SAMTOR: variants seen among roughly 807,000 people sequenced by gnomAD.
SAMTOR encodes the protein UPF0532 protein C7orf60.
At chr7:112,828,287 T>C in the SAMTOR span, among the ~76,000 whole-genome samples, 20 of 152,130 alleles carry the variant, frequency 1.3e-4, no homozygotes, top group Non-Finnish European at 2.9e-4. Context: ...AAGTCTGAGG[T>C]CAAGATTGTG....
At chr7:112,853,757 C>T in the SAMTOR span, among the ~76,000 whole-genome samples, 2 of 152,088 alleles carry the variant, frequency 1.3e-5, no homozygotes, top group Non-Finnish European at 2.9e-5. Flanking sequence ...TTATAACCTT[C>T]AACCAGAACA....
the SAMTOR span, among the ~76,000 whole-genome samples, chr7:112,926,677 T>C: frequency 1.3e-5 from 2 of 152,166 alleles, no homozygotes; most frequent in Non-Finnish European, 2.9e-5. Flanking sequence ...TTTTTCCTTC[T>C]TTCAACAGAT....
the SAMTOR span, among the ~76,000 whole-genome samples, chr7:112,927,987 C>T: frequency 2.0e-5 from 3 of 151,904 alleles, no homozygotes; most frequent in South Asian, 2.1e-4. Context: ...AACTCACCTT[C>T]AAAAACACTA....
the SAMTOR span, among the ~76,000 whole-genome samples, chr7:112,842,746 A>G: frequency 6.6e-6 from 1 of 151,998 alleles, no homozygotes; most frequent in Admixed American, 6.6e-5. Flanking sequence ...AAAGTACTGT[A>G]TTACATGAAT....
chr7:112,934,639 T>C, the SAMTOR span, among the ~76,000 whole-genome samples: 4 of 152,346 alleles, frequency 2.6e-5, no homozygotes, highest in African/African-American at 9.6e-5. Context: ...CCTACTACAA[T>C]AGCTGTGTTT....
chr7:112,842,110 A>T, the SAMTOR span, among the ~76,000 whole-genome samples: 1 of 151,904 alleles, frequency 6.6e-6, no homozygotes, highest in Non-Finnish European at 1.5e-5. Flanking sequence ...AGCAATTTAC[A>T]TTTCCTGAAA....
the SAMTOR span, among the ~76,000 whole-genome samples, chr7:112,860,298 G>A: frequency 6.6e-6 from 1 of 152,078 alleles, no homozygotes; most frequent in East Asian, 1.9e-4. Context: ...CATCCCTGTT[G>A]TTAAGTGACA....
the SAMTOR span, among the ~76,000 whole-genome samples, chr7:112,919,380 A>C: frequency 2.0e-5 from 3 of 152,184 alleles, no homozygotes; most frequent in African/African-American, 7.2e-5. Flanking sequence ...GGCAGAAATA[A>C]AGATGTTCTT....
the SAMTOR span, among the ~76,000 whole-genome samples, chr7:112,902,084 G>A: frequency 6.6e-6 from 1 of 152,064 alleles, no homozygotes; most frequent in African/African-American, 2.4e-5. Context: ...TCTGGAAAAG[G>A]CAATCTATGA....
the SAMTOR span, among the ~76,000 whole-genome samples, chr7:112,889,363 G>A: frequency 4.6e-5 from 7 of 152,166 alleles, no homozygotes; most frequent in Admixed American, 4.6e-4. Context: ...TACACCAATA[G>A]TTTATCAGAA....
chr7:112,939,752 T>TCGCAGC, the SAMTOR span: 77 of 1,592,874 alleles, frequency 4.8e-5, no homozygotes, highest in Admixed American at 1.2e-3. Flanking sequence ...TGGCTCCATA[T>TCGCAGC]CGCAGCCGCC....
chr7:112,909,750 T>TA, the SAMTOR span, among the ~76,000 whole-genome samples: 1 of 151,408 alleles, frequency 6.6e-6, no homozygotes, highest in African/African-American at 2.4e-5. Flanking sequence ...AAAAAACAGA[T>TA]AAGTTAAGCA....
the SAMTOR span, among the ~76,000 whole-genome samples, chr7:112,895,901 C>T: frequency 0.011 from 1,620 of 152,186 alleles, 30 homozygotes; most frequent in African/African-American, 0.037. Flanking sequence ...GTAGCACTTT[C>T]AAATTTTTAA....
At chr7:112,921,544 C>T in the SAMTOR span, among the ~76,000 whole-genome samples, 1 of 148,544 alleles carries the variant, frequency 6.7e-6, no homozygotes, top group Non-Finnish European at 1.5e-5. Context: ...TGGGCAAGGA[C>T]TTCATGTCTA....
At chr7:112,828,807 T>C in the SAMTOR span, among the ~76,000 whole-genome samples, 2 of 151,904 alleles carry the variant, frequency 1.3e-5, no homozygotes, top group Non-Finnish European at 2.9e-5. Flanking sequence ...ATATTGAATT[T>C]CAGCTTTTAC....
chr7:112,873,485 A>G, the SAMTOR span, among the ~76,000 whole-genome samples: 1 of 152,180 alleles, frequency 6.6e-6, no homozygotes, highest in African/African-American at 2.4e-5. Flanking sequence ...TATTTAATAA[A>G]TGGTGCTGGG....
chr7:112,822,597 G>GT, the SAMTOR span, among the ~76,000 whole-genome samples: 2 of 151,996 alleles, frequency 1.3e-5, no homozygotes, highest in East Asian at 3.8e-4. Context: ...TTAAATATAT[G>GT]TTTTTTGCCT....
chr7:112,939,488 T>A, the SAMTOR span: 1 of 1,555,688 alleles, frequency 6.4e-7, no homozygotes, highest in Non-Finnish European at 8.7e-7. Flanking sequence ...GACGTGCAGA[T>A]CCTTTACATT....
chr7:112,820,656 G>A, the SAMTOR span: 6 of 151,984 alleles, frequency 3.9e-5, no homozygotes, highest in African/African-American at 1.4e-4. Flanking sequence ...TATTAATGTG[G>A]AAAGGGAAAA....
Sources: allele counts gnomAD v4.1 joint callset (sites outside exome capture counted in the v4.1 genomes callset), GRCh38; gene constraint gnomAD v4.1.1; transcripts MANE v1.5; gene names NCBI Gene and HGNC (gene_info 2026-07-23, HGNC 2026-07-21).